BPIFC: variants seen among roughly 807,000 people sequenced by gnomAD.
BPIFC encodes BPI fold containing family C, also known as BPI fold-containing family C protein.
A neutral mutation model predicts 57.6 loss-of-function variants in BPIFC; 60 were observed. That is an observed-to-expected ratio of 1.04 (90% confidence interval 0.85 to 1.29). The LOEUF is 1.29. Ranked by LOEUF, BPIFC falls within the 50% of genes most tolerant of loss-of-function variation. The pLI, the probability that BPIFC is intolerant of heterozygous loss-of-function variation, is 0.00. For synonymous variants in BPIFC, 243 were observed against 224.5 expected, an observed-to-expected ratio of 1.08 and a Z score of -0.74; for missense variants, 581 against 600.5, an observed-to-expected ratio of 0.97 and a Z score of 0.34.
At chr22:32,423,676 A>AC (rs1216666494) in intron 13 of BPIFC, among the ~76,000 whole-genome samples, 1 of 151,496 alleles carries the variant, frequency 6.6e-6, no homozygotes, top group Non-Finnish European at 1.5e-5. Flanking sequence ...AATGTCAAAA[A>AC]AAAAACAAAA....
chr22:32,448,048 C>T (rs993997459), intron 4 of BPIFC, among the ~76,000 whole-genome samples: 11 of 151,456 alleles, frequency 7.3e-5, no homozygotes, highest in East Asian at 1.9e-4. Flanking sequence ...GTATTTTGCA[C>T]GGCCCAGCTA....
chr22:32,429,364 G>A (rs1050702889), intron 13 of BPIFC, among the ~76,000 whole-genome samples: 8 of 151,522 alleles, frequency 5.3e-5, no homozygotes, highest in African/African-American at 1.5e-4. Context: ...CCGCCACCAC[G>A]CCCAGCTAAT....
chr22:32,451,048 T>C (rs910510433), intron 4 of BPIFC, among the ~76,000 whole-genome samples: 1 of 152,184 alleles, frequency 6.6e-6, no homozygotes, highest in African/African-American at 2.4e-5. Context: ...TCAGTTGTAC[T>C]AGCTGCATTT....
chr22:32,463,844 T>C (rs1216601364), intron 1 of BPIFC, among the ~76,000 whole-genome samples: 1 of 152,184 alleles, frequency 6.6e-6, no homozygotes, highest in East Asian at 1.9e-4. Context: ...GCATGTCTTT[T>C]CCCCAAAACT....
At chr22:32,419,514 A>AG in intron 13 of BPIFC, 110 bp from the exon 14 acceptor site, 1 of 1,144,894 alleles carries the variant, frequency 8.7e-7, no homozygotes, top group Non-Finnish European at 1.3e-6. Context: ...TTAAAAAAAA[A>AG]CACACAAGGC....
intron 7 of BPIFC, among the ~76,000 whole-genome samples, chr22:32,444,434 G>A (rs1934656010): frequency 6.6e-6 from 1 of 152,178 alleles, no homozygotes; most frequent in South Asian, 2.1e-4. Context: ...CTGAGCACTA[G>A]AGAGATGGAC....
At chr22:32,457,501 C>T in intron 2 of BPIFC, 115 bp from the exon 3 acceptor site, 9 of 1,193,998 alleles carry the variant, frequency 7.5e-6, no homozygotes, top group Non-Finnish European at 1.1e-5. Flanking sequence ...GAACTCAATA[C>T]ATCCATCCAA....
chr22:32,457,559 GTCCATCCATCCA>G (rs71320927), intron 2 of BPIFC, among the ~76,000 whole-genome samples, 173 bp from the exon 3 acceptor site: 42,224 of 148,680 alleles, frequency 0.28, 6,329 homozygotes, highest in East Asian at 0.56. Flanking sequence ...CCATCCATCC[GTCCATCCATCCA>G]TCCATCCATC....
intron 15 of BPIFC, among the ~76,000 whole-genome samples, chr22:32,416,556 C>T (rs2076045): frequency 0.089 from 13,598 of 152,224 alleles, 1,011 homozygotes; most frequent in East Asian, 0.45. Context: ...CATTTTTAGC[C>T]TACCCGATGT....
intron 11 of BPIFC, among the ~76,000 whole-genome samples, chr22:32,433,114 G>A (rs1208379917): frequency 2.0e-5 from 3 of 152,122 alleles, no homozygotes; most frequent in African/African-American, 4.8e-5. Flanking sequence ...GAGTTGGGAG[G>A]ATCACTTGAG....
chr22:32,434,614 T>C (rs1180019358), intron 10 of BPIFC, among the ~76,000 whole-genome samples: 4 of 152,074 alleles, frequency 2.6e-5, no homozygotes, highest in Non-Finnish European at 5.9e-5. Flanking sequence ...ACGATAAGCC[T>C]TGTGTTACTG....
intron 10 of BPIFC, among the ~76,000 whole-genome samples, chr22:32,435,165 T>C (rs1250181148): frequency 3.3e-5 from 5 of 152,156 alleles, no homozygotes; most frequent in Admixed American, 3.3e-4. Flanking sequence ...AGAAGTTATA[T>C]AAATTGAAAT....
chr22:32,457,144 T>C, intron 3 of BPIFC, 119 bp downstream of exon 3: 1 of 1,201,146 alleles, frequency 8.3e-7, no homozygotes, highest in Non-Finnish European at 1.1e-6. Context: ...AGGTACTGGA[T>C]CACCCCACAG....
chr22:32,436,221 G>A (rs1385672902), intron 9 of BPIFC, among the ~76,000 whole-genome samples: 2 of 152,108 alleles, frequency 1.3e-5, no homozygotes, highest in Non-Finnish European at 2.9e-5. Flanking sequence ...TTGAACCAGG[G>A]AGGTTGAAGC....
intron 13 of BPIFC, among the ~76,000 whole-genome samples, chr22:32,427,981 T>C (rs192970867): frequency 2.1e-3 from 316 of 152,170 alleles, no homozygotes; most frequent in Non-Finnish European, 3.3e-3. Context: ...AGCGAGATTC[T>C]GTCTCAAAAC....
chr22:32,452,148 C>A (rs1007561106), intron 4 of BPIFC, among the ~76,000 whole-genome samples: 1 of 152,184 alleles, frequency 6.6e-6, no homozygotes, highest in Admixed American at 6.5e-5. Flanking sequence ...GTGATCCTCC[C>A]ACCTCGGCCT....
chr22:32,456,682 C>T (rs192908961), intron 3 of BPIFC, among the ~76,000 whole-genome samples: 1 of 152,216 alleles, frequency 6.6e-6, no homozygotes, highest in African/African-American at 2.4e-5. Flanking sequence ...AGTCCATTCC[C>T]TCTCCACAAT....
chr22:32,455,881 A>C (rs1935024609), intron 3 of BPIFC, among the ~76,000 whole-genome samples: 2 of 152,238 alleles, frequency 1.3e-5, no homozygotes, highest in Non-Finnish European at 2.9e-5. Flanking sequence ...CTGAATTCAA[A>C]GGCTGCCCTT....
At chr22:32,455,408 T>C (rs904306772) in intron 3 of BPIFC, among the ~76,000 whole-genome samples, 1 of 152,192 alleles carries the variant, frequency 6.6e-6, no homozygotes, top group African/African-American at 2.4e-5. Context: ...GATCTCTTAC[T>C]AGAAAATGTG....
Sources: allele counts gnomAD v4.1 joint callset (sites outside exome capture counted in the v4.1 genomes callset), GRCh38; gene constraint gnomAD v4.1.1; transcripts MANE v1.5; gene names NCBI Gene and HGNC (gene_info 2026-07-23, HGNC 2026-07-21).